Variants in TMEM132C observed in about 807,000 individuals in gnomAD.
TMEM132C encodes the protein transmembrane protein 132C.
A neutral mutation model predicts 61.4 loss-of-function variants in TMEM132C; 29 were observed. That is an observed-to-expected ratio of 0.47 (90% CI 0.35 to 0.64). The LOEUF (loss-of-function observed/expected upper bound fraction) is 0.64, where lower values mean the gene tolerates loss of function less well. Ranked by LOEUF, TMEM132C falls within the 30% of genes least tolerant of loss-of-function variation. The pLI, the probability that TMEM132C is intolerant of heterozygous loss-of-function variation, is 0.00. For synonymous variants in TMEM132C, 656 were observed against 633.1 expected (o/e 1.04, Z -0.54); for missense variants, 1,408 against 1,476.9 (o/e 0.95, Z 0.76).
intron 4 of TMEM132C, among the ~76,000 whole-genome samples, chr12:128,649,730 G>T (rs1181063495): frequency 1.3e-5 from 2 of 152,134 alleles, no homozygotes; most frequent in African/African-American, 2.4e-5. Flanking sequence ...AGGCAAGTTG[G>T]TGCCACTTAG....
intron 2 of TMEM132C, among the ~76,000 whole-genome samples, chr12:128,466,404 AC>A (rs755942213): frequency 6.6e-5 from 10 of 152,330 alleles, no homozygotes; most frequent in Non-Finnish European, 1.5e-4. Context: ...CAAGATTTAA[AC>A]TTTTCATTTG....
At chr12:128,682,376 A>G (rs971764098) in intron 5 of TMEM132C, among the ~76,000 whole-genome samples, 6 of 152,188 alleles carry the variant, frequency 3.9e-5, no homozygotes, top group Admixed American at 1.3e-4. Context: ...GGAATAGCCC[A>G]TGTCAGCCCC....
intron 2 of TMEM132C, among the ~76,000 whole-genome samples, chr12:128,502,052 A>G (rs1476933938): frequency 1.3e-5 from 2 of 152,238 alleles, no homozygotes; most frequent in Non-Finnish European, 2.9e-5. Context: ...TCTATTTTAT[A>G]GCTACATGCC....
At chr12:128,538,432 T>G (rs1401823537) in intron 2 of TMEM132C, among the ~76,000 whole-genome samples, 2 of 152,184 alleles carry the variant, frequency 1.3e-5, no homozygotes. Flanking sequence ...CTAATTATTT[T>G]ATCTTTTTGT....
At chr12:128,368,449 C>G (rs1873934581) in intron 1 of TMEM132C, among the ~76,000 whole-genome samples, 1 of 152,176 alleles carries the variant, frequency 6.6e-6, no homozygotes, top group Admixed American at 6.5e-5. Context: ...TTTCTCCCTT[C>G]CTAAAGTAGC....
At chr12:128,459,654 G>C (rs1870464916) in intron 2 of TMEM132C, among the ~76,000 whole-genome samples, 2 of 152,226 alleles carry the variant, frequency 1.3e-5, no homozygotes, top group Middle Eastern at 3.4e-3. Context: ...CACTTTAGGA[G>C]ACCAAGGCGG....
chr12:128,683,250 C>T (rs1396092674), intron 5 of TMEM132C, among the ~76,000 whole-genome samples: 1 of 152,202 alleles, frequency 6.6e-6, no homozygotes, highest in Non-Finnish European at 1.5e-5. Context: ...CCCGAGGTTT[C>T]TGCCTGGCCA....
intron 5 of TMEM132C, among the ~76,000 whole-genome samples, chr12:128,680,813 A>T (rs1364766084): frequency 1.3e-5 from 2 of 152,218 alleles, no homozygotes; most frequent in African/African-American, 2.4e-5. Flanking sequence ...ACTTTTATGG[A>T]ACATAAGACC....
At chr12:128,432,606 G>T (rs747513144) in intron 2 of TMEM132C, among the ~76,000 whole-genome samples, 10 of 152,202 alleles carry the variant, frequency 6.6e-5, no homozygotes, top group Non-Finnish European at 1.5e-4. Context: ...CTGAATTGCT[G>T]CAATCTCATG....
chr12:128,385,092 G>A (rs193214936), intron 1 of TMEM132C, among the ~76,000 whole-genome samples: 168 of 152,290 alleles, frequency 1.1e-3, no homozygotes, highest in African/African-American at 3.8e-3. Flanking sequence ...AGAAGAGCTC[G>A]GCTTTGGAAT....
intron 8 of TMEM132C, among the ~76,000 whole-genome samples, chr12:128,699,729 C>G (rs12369380): frequency 0.42 from 64,037 of 152,050 alleles, 14,299 homozygotes; most frequent in Non-Finnish European, 0.5. Flanking sequence ...ATAATCATGA[C>G]AGCAGTCACT....
intron 5 of TMEM132C, among the ~76,000 whole-genome samples, chr12:128,673,945 G>A (rs1954559553): frequency 6.6e-6 from 1 of 152,240 alleles, no homozygotes; most frequent in African/African-American, 2.4e-5. Flanking sequence ...CAGGGATTAA[G>A]ACTGGAGGCT....
chr12:128,540,021 C>A (rs556909410), intron 2 of TMEM132C, among the ~76,000 whole-genome samples: 1 of 152,064 alleles, frequency 6.6e-6, no homozygotes, highest in Non-Finnish European at 1.5e-5. Flanking sequence ...TCAAAGCCAT[C>A]CTCTTAATTT....
intron 1 of TMEM132C, among the ~76,000 whole-genome samples, chr12:128,384,287 C>A (rs565977113): frequency 2.0e-5 from 3 of 152,094 alleles, no homozygotes; most frequent in Non-Finnish European, 2.9e-5. Flanking sequence ...GATCTGGGGG[C>A]GCACCCTCCC....
chr12:128,306,017 A>T (rs987702275), intron 1 of TMEM132C, among the ~76,000 whole-genome samples: 1 of 152,184 alleles, frequency 6.6e-6, no homozygotes, highest in African/African-American at 2.4e-5. Context: ...GCAGTTAATG[A>T]AGTCAGTCTG....
intron 2 of TMEM132C, among the ~76,000 whole-genome samples, chr12:128,518,718 A>ATG (rs754178521): frequency 6.6e-6 from 1 of 151,412 alleles, no homozygotes; most frequent in African/African-American, 2.4e-5. Context: ...TGGTGTGTGA[A>ATG]TGTGTGTGTG....
chr12:128,358,493 T>TTGTGTGTGTGTGTG (rs58748919), intron 1 of TMEM132C, among the ~76,000 whole-genome samples: 2,219 of 144,968 alleles, frequency 0.015, 30 homozygotes, highest in South Asian at 0.024. Context: ...ACTTTTAAAA[T>TTGTGTGTGTGTGTG]TGTGTGTGTG....
chr12:128,586,897 C>G (rs1161435847), intron 3 of TMEM132C, among the ~76,000 whole-genome samples: 1 of 152,196 alleles, frequency 6.6e-6, no homozygotes, highest in Admixed American at 6.5e-5. Flanking sequence ...AGCACCTGCT[C>G]TCCTCTGGCG....
At chr12:128,369,405 A>G (rs1284919264) in intron 1 of TMEM132C, among the ~76,000 whole-genome samples, 1 of 152,206 alleles carries the variant, frequency 6.6e-6, no homozygotes, top group Non-Finnish European at 1.5e-5. Flanking sequence ...TACTATGAAA[A>G]CATTGATGCC....
Sources: allele counts gnomAD v4.1 joint callset (sites outside exome capture counted in the v4.1 genomes callset), GRCh38; gene constraint gnomAD v4.1.1; transcripts MANE v1.5; gene names NCBI Gene and HGNC (gene_info 2026-07-23, HGNC 2026-07-21).